TESPA1: variants seen among roughly 807,000 people sequenced by gnomAD.
The protein encoded by TESPA1 is protein TESPA1.
Under a neutral mutation model 57.9 loss-of-function variants are expected in TESPA1, and 33 were observed. That is an observed-to-expected ratio of 0.57 (90% CI 0.43 to 0.76). TESPA1 has a LOEUF of 0.76. Ranked by LOEUF, TESPA1 falls within the 30% of genes least tolerant of loss-of-function variation. TESPA1 has a pLI of 0.00. For missense variants in TESPA1, 618 were observed against 632.9 expected, an observed-to-expected ratio of 0.98 and a Z score of 0.25; for synonymous variants, 227 against 228.9, an observed-to-expected ratio of 0.99 and a Z score of 0.07.
At chr12:54,954,493 C>G (rs778276894) in intron 10 of TESPA1, among the ~76,000 whole-genome samples, 6 of 152,114 alleles carry the variant, frequency 3.9e-5, no homozygotes, top group Non-Finnish European at 8.8e-5. Context: ...AGTTGTAGTT[C>G]AAATGGATCA....
intron 1 of TESPA1, among the ~76,000 whole-genome samples, chr12:54,976,232 A>G (rs886289667): frequency 3.3e-5 from 5 of 152,200 alleles, no homozygotes; most frequent in Non-Finnish European, 7.3e-5. Flanking sequence ...TGGTATTTAG[A>G]GCTTTCAGAG....
At chr12:54,966,022 C>G in intron 7 of TESPA1, 31 bp downstream of exon 7, 2 of 1,550,740 alleles carry the variant, frequency 1.3e-6, no homozygotes, top group South Asian at 2.4e-5. Flanking sequence ...ATCTTCTCCA[C>G]CCTTCCACCC....
Position 54,949,947 on chromosome 12 carries a change from T to G in TESPA1, c.*445A>C, listed in dbSNP as rs753954849. ...GCTTTTAGAGCCAGAAAGTGAGGTG[T>G]CCTTCCTCTCTTCACTTGGGCCTTT... On this transcript the variant is annotated 3_prime_UTR_variant, in exon 11 of 11. Coordinates refer to ENST00000449076, the MANE Select transcript of TESPA1 (RefSeq NM_001136030.3). The G allele has an allele frequency of 5.4e-6, 1 of 185,724 alleles. No homozygotes were observed. The highest frequency in any genetic ancestry group is 2.4e-5 in the African/African-American group (1 of 42,064). The allele number at this position is 185,724 out of a possible 1,614,324, so 11.5% of individuals were successfully genotyped here.
chr12:54,966,235 C>T, intron 6 of TESPA1, 84 bp from the exon 7 acceptor site: 3 of 1,560,106 alleles, frequency 1.9e-6, no homozygotes, highest in Admixed American at 3.7e-5. Flanking sequence ...GACTTATTCA[C>T]CCCCTGAACA....
chr12:54,974,596 A>G lies in TESPA1; in HGVS notation c.-34T>C, dbSNP rs1205645300. Reference sequence around the variant, plus strand: ...CTCAGACTTCAGGGCCTCCCGTAACAGTAATGCCGTCCTAAGAGTTGAAAA... The same window carrying G: ...CTCAGACTTCAGGGCCTCCCGTAACGGTAATGCCGTCCTAAGAGTTGAAAA... On this transcript the variant is annotated 5_prime_UTR_variant, in exon 2 of 11. Coordinates refer to ENST00000449076, the MANE Select transcript of TESPA1 (RefSeq NM_001136030.3). 1.3e-6 allele frequency: 2 copies of G among 1,491,284 alleles called. No individual in the cohort carries two copies. Among genetic ancestry groups the G allele is most frequent in the Non-Finnish European group, 1.8e-6 (2 of 1,116,078 alleles). The allele number at this position is 1,491,284 out of a possible 1,614,324, so 92.4% of individuals were successfully genotyped here. A position where few individuals can be genotyped will look rare whatever the true frequency, so the allele number is the denominator to read the frequency against.
At chr12:54,984,821 G>A, upstream of TESPA1, 1 of 152,552 alleles carries the variant, frequency 6.6e-6, no homozygotes, top group Non-Finnish European at 1.5e-5. Flanking sequence ...TCCTGGCCCA[G>A]CCACATCCTT....
chr12:54,980,655 T>G (rs1435544525), intron 1 of TESPA1, among the ~76,000 whole-genome samples: 1 of 152,152 alleles, frequency 6.6e-6, no homozygotes, highest in African/African-American at 2.4e-5. Flanking sequence ...AAGTGGATAA[T>G]TATCATTAGT....
intron 3 of TESPA1, among the ~76,000 whole-genome samples, chr12:54,968,937 A>G (rs2136148911): frequency 6.6e-6 from 1 of 151,544 alleles, no homozygotes; most frequent in Admixed American, 6.6e-5. Context: ...CGTGTGTAAC[A>G]GTGGGAATAG....
At chr12:54,950,481 G>T in intron 10 of TESPA1, 91 bp from the exon 11 acceptor site, 1 of 369,436 alleles carries the variant, frequency 2.7e-6, no homozygotes, top group South Asian at 2.0e-5. Flanking sequence ...CTCAGCTGTG[G>T]AAATGTTTCT....
At chr12:54,950,938 A>T (rs1386841045) in intron 10 of TESPA1, among the ~76,000 whole-genome samples, 1 of 139,246 alleles carries the variant, frequency 7.2e-6, no homozygotes, top group African/African-American at 2.7e-5. Context: ...GACACTTAAA[A>T]TTTTTTTCCA....
intron 3 of TESPA1, among the ~76,000 whole-genome samples, chr12:54,969,046 TGTGTGTGTGTAGATAG>T (rs1951649050): frequency 2.4e-4 from 30 of 124,238 alleles, no homozygotes; most frequent in East Asian, 1.9e-3. Context: ...TATATATATA[TGTGTGTGTGTAGATAG>T]ATAGATATAG....
At chr12:54,974,969 T>C (rs1952066014) in intron 1 of TESPA1, among the ~76,000 whole-genome samples, 1 of 152,192 alleles carries the variant, frequency 6.6e-6, no homozygotes, top group African/African-American at 2.4e-5. Flanking sequence ...TCTACCAGAA[T>C]CTTCCATTAT....
At chr12:54,966,316 T>A (rs1031766672) in intron 6 of TESPA1, 72 bp downstream of exon 6, 24 of 1,607,514 alleles carry the variant, frequency 1.5e-5, no homozygotes, top group Non-Finnish European at 2.0e-5. Context: ...TTTATTTTAA[T>A]CTCTTTGACC....
chr12:54,982,051 T>C lies in TESPA1; in HGVS notation c.-46+2534A>G, dbSNP rs562700802. Reference sequence around the variant, plus strand: ...ACCTTCTGCATCCACAGCCAAGATATACATCATTACCATCGCAGAGCTGCG... The same window carrying C: ...ACCTTCTGCATCCACAGCCAAGATACACATCATTACCATCGCAGAGCTGCG... On this transcript the variant is annotated intron_variant, in intron 1 of 10. Coordinates refer to ENST00000449076, the MANE Select transcript of TESPA1 (RefSeq NM_001136030.3). The C allele has an allele frequency of 4.6e-5, 7 of 152,378 alleles. No individual in the cohort carries two copies. In the East Asian group the frequency reaches 1.3e-3, roughly 29 times the overall value. The allele number at this position is 152,378 out of a possible 1,614,324, so 9.4% of individuals were successfully genotyped here.
At chr12:54,955,949 T>C (rs891385877) in intron 10 of TESPA1, among the ~76,000 whole-genome samples, 1 of 140,170 alleles carries the variant, frequency 7.1e-6, no homozygotes, top group Admixed American at 7.3e-5. Flanking sequence ...AGAATTTATT[T>C]TGATATAAAA....
chr12:54,961,380 GC>G, intron 9 of TESPA1, 113 bp from the exon 10 acceptor site: 1 of 1,142,026 alleles, frequency 8.8e-7, no homozygotes, highest in Non-Finnish European at 1.3e-6. Context: ...TTGAGAGACA[GC>G]CTCTTCTGTG....
intron 1 of TESPA1, among the ~76,000 whole-genome samples, chr12:54,976,796 G>A (rs978274007): frequency 6.6e-6 from 1 of 152,102 alleles, no homozygotes; most frequent in South Asian, 2.1e-4. Flanking sequence ...GGGTTTCAAC[G>A]TCCTCTGTGA....
rs746752631 is a variant in TESPA1 at position 54,974,412 on chromosome 12, C to T, written c.151G>A (p.Val51Ile). The T allele has an allele frequency of 3.7e-6, 6 of 1,605,520 alleles. No individual in the cohort carries two copies. Among genetic ancestry groups the T allele is most frequent in the African/African-American group, 1.3e-5 (1 of 74,794 alleles). Residue 51 changes from valine to isoleucine, a missense_variant, in exon 2 of 11, where the codon GTT (valine) becomes ATT (isoleucine). Physicochemically the swap from Val to Ile is conservative, Grantham distance 29. This residue lies in a region of TESPA1 where 199 missense variants were observed against 184.0 expected (regional missense o/e 1.08). Coordinates refer to ENST00000449076, the MANE Select transcript of TESPA1 (RefSeq NM_001136030.3). ...PDPEPSSLDD[V>I]FQEGNPINKI... ...GTTCGTCTCTTACCTTCTTGGAAAA[C>T]GTCATCCAGGCTGGAAGGCTCAGGA...
chr12:54,963,028 C>A lies in TESPA1; in HGVS notation c.870G>T (p.Met290Ile). Reference sequence around the variant, plus strand: ...GGTCTCGGGGGCATGTGTACAGACACATCTTGGAGATGGCTTTCCGAAGGC... The same window carrying A: ...GGTCTCGGGGGCATGTGTACAGACAAATCTTGGAGATGGCTTTCCGAAGGC... Reference protein sequence around the residue: ...RDRLRKAISKMCLYTCPRDRP... With the variant: ...RDRLRKAISKICLYTCPRDRP... Residue 290 changes from methionine (M) to isoleucine (I), a missense_variant, in exon 9 of 11, where the codon ATG becomes ATT. Transcript: ENST00000449076. The A allele has an allele frequency of 1.2e-6, 2 of 1,613,898 alleles. No individual in the cohort carries two copies. The highest frequency in any genetic ancestry group is 1.7e-6 in the Non-Finnish European group (2 of 1,179,874).
Sources: allele counts gnomAD v4.1 joint callset (sites outside exome capture counted in the v4.1 genomes callset), GRCh38; gene constraint gnomAD v4.1.1; regional missense constraint gnomAD v4.1.1; transcripts MANE v1.5; gene names NCBI Gene and HGNC (gene_info 2026-07-23, HGNC 2026-07-21).